Variants in CDC37 observed in about 807,000 individuals in gnomAD.
The protein encoded by CDC37 is hsp90 co-chaperone Cdc37.
CDC37 carries 9 observed loss-of-function variants against 46.9 expected under a neutral mutation model. The observed-to-expected ratio is 0.19, with a 90% CI of 0.12 to 0.33. The LOEUF (loss-of-function observed/expected upper bound fraction) is 0.33. Among genes scored for constraint, CDC37 ranks in the 10% least tolerant of loss-of-function variants. The pLI, the probability that CDC37 is intolerant of heterozygous loss-of-function variation, is 1.00. For missense variants in CDC37, 388 were observed against 514.6 expected (o/e 0.75, Z 2.38); for synonymous variants, 193 against 191.0 (o/e 1.01, Z -0.09).
Position 10,393,936 on chromosome 19 carries a change from A to G in CDC37, c.727-495T>C, listed in dbSNP as rs1336193621. 1 of 153,362 alleles carries G rather than the reference A, an allele frequency of 6.5e-6. No individual in the cohort carries two copies. Among genetic ancestry groups the G allele is most frequent in the Non-Finnish European group, 1.5e-5 (1 of 68,926 alleles). The allele number at this position is 153,362 out of a possible 1,614,324, so 9.5% of individuals were successfully genotyped here. Reference sequence around the variant, plus strand: ...GAAACCCCGTCTCTACTAAAATACAAAAAATTAACCGGGCATGGTGGCACA... The same window carrying G: ...GAAACCCCGTCTCTACTAAAATACAGAAAATTAACCGGGCATGGTGGCACA... On this transcript the variant is annotated intron_variant, in intron 5 of 7. Coordinates refer to ENST00000222005, the MANE Select transcript of CDC37 (RefSeq NM_007065.4). This position sits in a 1 kb window ranked among gnomAD's most constrained non-coding sequence, Gnocchi z 4.9.
chr19:10,393,179 G>C lies in CDC37; in HGVS notation c.910-22C>G. ...GTTCCTGGGGGTACAGAGGGGCTGG[G>C]GTCAGGGGCTGGGTCCCTGTGGCCC... is the stretch of plus-strand genomic sequence containing the variant. On this transcript the variant is annotated intron_variant, in intron 6 of 7. Coordinates refer to ENST00000222005, the MANE Select transcript of CDC37 (RefSeq NM_007065.4). This position sits in a 1 kb window ranked among gnomAD's most constrained non-coding sequence, Gnocchi z 4.9. The C allele has an allele frequency of 6.2e-7, 1 of 1,613,160 alleles. No homozygotes were observed. Among genetic ancestry groups the C allele is most frequent in the Non-Finnish European group, 8.5e-7 (1 of 1,179,208 alleles).
In CDC37 at chr19:10,393,435, C is replaced by T. The variant is rs765006356; in HGVS notation, c.733G>A (p.Asp245Asn). The stretch of plus-strand genomic sequence containing the variant: ...TTGAAGCCCTCCATGTACTGGCGAT[C>T]GGCTGTCTATGGGGGTTGGGCAGTG... ...RQFFTKIKTA[D>N]RQYMEGFNDE... is the part of the protein sequence containing the mutation. Residue 245 changes from aspartate (D) to asparagine (N), a missense_variant, in exon 6 of 8, where the codon GAT (aspartate) becomes AAT (asparagine). By Grantham distance (23) the Asp-to-Asn change is conservative. Coordinates refer to ENST00000222005, the MANE Select transcript of CDC37 (RefSeq NM_007065.4). This position sits in a 1 kb window ranked among gnomAD's most constrained non-coding sequence, Gnocchi z 4.9. 12 of 1,611,216 alleles carry T rather than the reference C, an allele frequency of 7.4e-6. No individual in the cohort carries two copies. The South Asian group carries it at 1.1e-4, about 15-fold the overall frequency.
Position 10,393,813 on chromosome 19 carries a change from C to T in CDC37, c.727-372G>A, listed in dbSNP as rs1426641069. The T allele has an allele frequency of 1.1e-5, 2 of 190,192 alleles. No individual in the cohort carries two copies. The highest frequency in any genetic ancestry group is 1.3e-4 in the East Asian group (1 of 7,700). The allele number at this position is 190,192 out of a possible 1,614,324, so 11.8% of individuals were successfully genotyped here. On this transcript the variant is annotated intron_variant, in intron 5 of 7. Coordinates refer to ENST00000222005, the MANE Select transcript of CDC37 (RefSeq NM_007065.4). This position sits in a 1 kb window ranked among gnomAD's most constrained non-coding sequence, Gnocchi z 4.9. ...AGGTTAAAAATCCTAGAGGCTAGGC[C>T]GGGCGCGGTGGCTCACGCCTGTAAT...
intron 5 of CDC37, 87 bp downstream of exon 5, chr19:10,394,934 T>A (rs755164771): frequency 1.4e-4 from 189 of 1,394,626 alleles, no homozygotes; most frequent in South Asian, 3.3e-4. Flanking sequence ...TGAGTCCCAG[T>A]GGAGAGGAGT....
At chr19:10,395,367 G>A in intron 3 of CDC37, 24 bp from the exon 4 acceptor site, 1 of 1,609,838 alleles carries the variant, frequency 6.2e-7, no homozygotes, top group Non-Finnish European at 8.5e-7. Flanking sequence ...CTGGCAAGGT[G>A]CTGGAGGGCC....
At chr19:10,401,461 G>A (rs1052593006) in intron 1 of CDC37, among the ~76,000 whole-genome samples, 3 of 152,136 alleles carry the variant, frequency 2.0e-5, no homozygotes, top group Non-Finnish European at 4.4e-5. Flanking sequence ...CCTCCCACCC[G>A]GCAGGACCAA....
chr19:10,391,595 C>T lies in CDC37; in HGVS notation c.1093G>A (p.Glu365Lys). The change falls in exon 8 of 8, where the codon GAA becomes AAA. Residue 365 changes from glutamate to lysine, a missense_variant. By Grantham distance (56) the Glu-to-Lys change is moderately conservative. Transcript: ENST00000222005. ...TCATCGCCCGTCTTGGGAACAGCTT[C>T]CAGTAATGGGTCCCCAGGACCTGCC... ...EEAGPGDPLL[E>K]AVPKTGDEKD... 6.2e-7 allele frequency: 1 copy of T among 1,614,216 alleles called. No homozygotes were observed. Among genetic ancestry groups the T allele is most frequent in the Non-Finnish European group, 8.5e-7 (1 of 1,180,038 alleles).
In CDC37 at chr19:10,395,436, A is replaced by G. The variant is rs748457230; in HGVS notation, c.486T>C (p.Phe162=). ...CCATAACCCACAAGCCCCACTCACCAAAGTGCTTGATCTGTTTCTCGTATT... is the reference window on the plus strand; with the variant it reads ...CCATAACCCACAAGCCCCACTCACCGAAGTGCTTGATCTGTTTCTCGTATT... ...VEKYEKQIKH[F]GMLRRWDDSQ... is the part of the protein sequence containing the mutation. Residue 162 remains phenylalanine (F), a splice_region_variant and synonymous_variant, in exon 3 of 8, where the codon TTT becomes TTC. Transcript: ENST00000222005. 27 of 1,613,386 alleles carry G rather than the reference A, an allele frequency of 1.7e-5. No individual in the cohort carries two copies. The East Asian group carries it at 5.8e-4, about 35-fold the overall frequency.
chr19:10,402,478 C>T (rs2042524590), intron 1 of CDC37, among the ~76,000 whole-genome samples: 1 of 151,960 alleles, frequency 6.6e-6, no homozygotes, highest in South Asian at 2.1e-4. Context: ...GTTTGGGGTT[C>T]TGGGCTTGAG....
chr19:10,399,463 G>GC, intron 1 of CDC37, among the ~76,000 whole-genome samples: 1 of 38,156 alleles, frequency 2.6e-5, no homozygotes, highest in Non-Finnish European at 4.6e-5. Context: ...GACCCTGTCT[G>GC]AAAAAAAAAA....
rs1403317509 is a variant in CDC37, at chr19:10,396,304, G to A, written c.103-101C>T. 4 of 1,351,586 alleles carry A rather than the reference G, an allele frequency of 3.0e-6. No individual in the cohort carries two copies. Among genetic ancestry groups the A allele is most frequent in the South Asian group, 1.4e-5 (1 of 71,268 alleles). The allele number at this position is 1,351,586 out of a possible 1,614,324, so 83.7% of individuals were successfully genotyped here. A position where few individuals can be genotyped will look rare whatever the true frequency, so the allele number is the denominator to read the frequency against. On this transcript the variant is annotated intron_variant, in intron 1 of 7. Coordinates refer to ENST00000222005, the MANE Select transcript of CDC37 (RefSeq NM_007065.4). This position sits in a 1 kb window ranked among gnomAD's most constrained non-coding sequence, Gnocchi z 5.9. ...CGGAGATGGCCCCAGGAAAAAGTAC[G>A]CGTCCACCTCCCGTGCCCTGGTCTC...
rs186570101 is a variant in CDC37, at chr19:10,393,540, C to T, written c.727-99G>A. On this transcript the variant is annotated intron_variant, in intron 5 of 7. Transcript: ENST00000222005. This position sits in a 1 kb window ranked among gnomAD's most constrained non-coding sequence, Gnocchi z 4.9. ...GCCACAGCTCCTCAGAGGCGCCCCA[C>T]GGTTCCCCAAGTCTATTCCTGACCT... The T allele has an allele frequency of 5.5e-4, 697 of 1,276,080 alleles. 3 individuals carry two copies. In the African/African-American group the frequency reaches 8.4e-3, roughly 15 times the overall value. The allele number at this position is 1,276,080 out of a possible 1,614,324, so 79.0% of individuals were successfully genotyped here.
chr19:10,401,160 C>A (rs2042516513), intron 1 of CDC37, among the ~76,000 whole-genome samples: 1 of 152,190 alleles, frequency 6.6e-6, no homozygotes, highest in East Asian at 1.9e-4. Flanking sequence ...AGTCTTAATT[C>A]ATTCTTACAA....
chr19:10,391,828 G>A (rs570266297), intron 7 of CDC37, 122 bp from the exon 8 acceptor site: 21 of 970,614 alleles, frequency 2.2e-5, no homozygotes, highest in Middle Eastern at 3.3e-4. Flanking sequence ...TATTTGAGAC[G>A]GAGTCTCACT....
intron 1 of CDC37, among the ~76,000 whole-genome samples, chr19:10,402,749 C>T (rs2042526430): frequency 6.6e-6 from 1 of 151,996 alleles, no homozygotes. Flanking sequence ...CTCGGTGAGA[C>T]TAAGGATCCT....
In CDC37 at chr19:10,393,355, G is replaced by C. The variant is rs377545975; in HGVS notation, c.813C>G (p.Ile271Met). 6.2e-7 allele frequency: 1 copy of C among 1,613,930 alleles called. No individual in the cohort carries two copies. Among genetic ancestry groups the C allele is most frequent in the African/African-American group, 1.3e-5 (1 of 74,896 alleles). The change falls in exon 6 of 8, where the codon ATC (isoleucine) becomes ATG (methionine). Residue 271 changes from isoleucine to methionine, a missense_variant. This residue lies in a region of CDC37 where 374 missense variants were observed against 467.4 expected (regional missense o/e 0.80). Transcript: ENST00000222005. The surrounding 1 kb of genome is among the most constrained non-coding windows in gnomAD (Gnocchi z 4.9). ...ERVRGRAKLR[I>M]EKAMKEYEEE... is the part of the protein sequence containing the mutation. ...CCTCGTACTCCTTCATGGCCTTCTC[G>C]ATGCGCAGCTTGGCACGGCCCCGCA...
chr19:10,394,989 C>T (rs761422135), intron 5 of CDC37, 32 bp downstream of exon 5: 6 of 1,509,138 alleles, frequency 4.0e-6, no homozygotes, highest in Non-Finnish European at 5.3e-6. Flanking sequence ...GGGGAGGGGG[C>T]CTCCAGCCAC....
rs1419003171 is a variant in CDC37, at chr19:10,402,358, TAGA to T, written c.102+1017_102+1019del. Among the ~76,000 whole-genome samples the T allele has an allele frequency of 5.9e-5, 9 of 151,874 alleles. No individual in the cohort carries two copies. In the East Asian group the frequency reaches 7.8e-4, roughly 13 times the overall value. On this transcript the variant is annotated intron_variant, in intron 1 of 7. Coordinates refer to ENST00000222005, the MANE Select transcript of CDC37 (RefSeq NM_007065.4). ...ATTCGGGACCTCTGTTGTGGTCAGA[TAGA>T]AGAAGGGGTGGTGAATTTAGAATCA...
Position 10,395,232 on chromosome 19 carries a change from T to A in CDC37, c.599A>T (p.Glu200Val). Residue 200 changes from glutamate to valine, a missense_variant, in exon 4 of 8, where the codon GAG (glutamate) becomes GTG (valine). By Grantham distance (121) the Glu-to-Val change is moderately radical (BLOSUM62 -2). Transcript: ENST00000222005. ...LVIWCIDLEV[E>V]EKCALMEQVA... ...CCCGGGGAAAGCTCCACTCACCTCC[T>A]CCACCTCTAGGTCAATGCACCAAAT... 6.2e-7 allele frequency: 1 copy of A among 1,613,994 alleles called. No homozygotes were observed. The highest frequency in any genetic ancestry group is 8.5e-7 in the Non-Finnish European group (1 of 1,179,936).
Sources: gnomAD v4.1 joint callset for allele counts (sites outside exome capture counted in the v4.1 genomes callset) on GRCh38, gnomAD v4.1.1 for gene constraint, gnomAD v4.1.1 regional missense constraint, Gnocchi (gnomAD v3.1) non-coding constraint, MANE v1.5 for transcripts, NCBI Gene and HGNC (gene_info 2026-07-23, HGNC 2026-07-21) for gene names.